The following ARHGAP22 variants were observed in gnomAD, a reference collection of about 807,000 sequenced individuals.
ARHGAP22 encodes the protein rho GTPase-activating protein 22.
In ARHGAP22, 48 loss-of-function variants were observed where a neutral mutation model predicts 59.1. That is an observed-to-expected ratio of 0.81 (90% CI 0.64 to 1.03). The LOEUF is 1.03. Among genes scored for constraint, ARHGAP22 ranks in the 50% least tolerant of loss-of-function variants. The probability of loss-of-function intolerance (pLI) is 0.00; values close to 1 mark genes in which losing one functional copy is unlikely to be tolerated. For synonymous variants in ARHGAP22, 445 were observed against 416.4 expected, an observed-to-expected ratio of 1.07 and a Z score of -0.84; for missense variants, 1,015 against 958.7, an observed-to-expected ratio of 1.06 and a Z score of -0.78.
At chr10:48,441,385 A>G (rs2045198521), downstream of ARHGAP22, among the ~76,000 whole-genome samples, 1 of 151,904 alleles carries the variant, frequency 6.6e-6, no homozygotes. Flanking sequence ...AAATCATGAC[A>G]GTGTCTTGAG....
downstream of ARHGAP22, among the ~76,000 whole-genome samples, chr10:48,441,775 A>G (rs57019459): frequency 2.9e-3 from 449 of 152,306 alleles, 4 homozygotes; most frequent in African/African-American, 0.011. Flanking sequence ...TTTATGAGAC[A>G]GGGTCCTGGA....
chr10:48,540,736 A>G (rs1243277957), intron 3 of ARHGAP22, among the ~76,000 whole-genome samples: 1 of 152,034 alleles, frequency 6.6e-6, no homozygotes, highest in Non-Finnish European at 1.5e-5. Flanking sequence ...ATTTCTTGTT[A>G]TTGTTGCCTC....
At chr10:48,557,738 C>T (rs2057400123) in intron 2 of ARHGAP22, among the ~76,000 whole-genome samples, 1 of 152,228 alleles carries the variant, frequency 6.6e-6, no homozygotes, top group African/African-American at 2.4e-5. Context: ...TCAGGGGAAT[C>T]CCAGTGTGCC....
In ARHGAP22 at chr10:48,446,396, T is replaced by C. The variant is rs747014955; in HGVS notation, c.2092A>G (p.Lys698Glu). The change falls in exon 10 of 10, where the codon AAG becomes GAG. Residue 698 changes from lysine (K) to glutamate (E), a missense_variant. Physicochemically the swap from Lys to Glu is moderately conservative, Grantham distance 56 (BLOSUM62 1). Coordinates refer to ENST00000249601, the MANE Select transcript of ARHGAP22 (RefSeq NM_021226.4). Reference protein sequence around the residue: ...TVGAKGARAPK With the variant: ...TVGAKGARAPE The stretch of plus-strand genomic sequence containing the variant: ...AGTGAGCTCTGCCATTCCTTTTACT[T>C]TGGGGCCCTGGCACCTTTTGCCCCA... 8.7e-6 allele frequency: 14 copies of C among 1,614,004 alleles called. No homozygotes were observed. The African/African-American group carries it at 1.9e-4, about 22-fold the overall frequency.
intron 1 of ARHGAP22, among the ~76,000 whole-genome samples, chr10:48,621,709 G>A (rs7098132): frequency 0.055 from 8,296 of 152,162 alleles, 730 homozygotes; most frequent in African/African-American, 0.19. Context: ...TTCATTGCTG[G>A]TCTTTCGTCT....
rs143821854 is a variant in ARHGAP22 at position 48,630,146 on chromosome 10, C to A, written c.52+22088G>T. ...CTTGCTCTGTCACCAGGCTGGAGTGCAGTGGCGCTATCTCAGCTCACTGCA... is the reference window on the plus strand; with the variant it reads ...CTTGCTCTGTCACCAGGCTGGAGTGAAGTGGCGCTATCTCAGCTCACTGCA... On this transcript the variant is annotated intron_variant, in intron 1 of 9. Coordinates refer to the ARHGAP22 transcript ENST00000435790. 7.0e-3 allele frequency among the ~76,000 whole-genome samples: 1,061 copies of A among 152,232 alleles called. 13 individuals carry two copies. Among genetic ancestry groups the A allele is most frequent in the African/African-American group, 0.024 (1,015 of 41,518 alleles).
chr10:48,590,425 G>A (rs2059681493), intron 1 of ARHGAP22, among the ~76,000 whole-genome samples: 1 of 152,126 alleles, frequency 6.6e-6, no homozygotes, highest in African/African-American at 2.4e-5. Context: ...CCTCGGTTGT[G>A]GTGGGGGCAA....
At chr10:48,642,600 A>C (rs1368592748) in intron 1 of ARHGAP22, among the ~76,000 whole-genome samples, 10 of 152,266 alleles carry the variant, frequency 6.6e-5, no homozygotes, top group African/African-American at 2.4e-4. Flanking sequence ...AGATGGGTTA[A>C]AGACTTAAAT....
intron 1 of ARHGAP22, among the ~76,000 whole-genome samples, chr10:48,595,368 C>A (rs772393901): frequency 1.3e-4 from 20 of 152,154 alleles, no homozygotes; most frequent in Non-Finnish European, 2.6e-4. Context: ...ATGGTTTCAT[C>A]AAGTTAATGC....
chr10:48,460,347 A>G (rs961169929), intron 4 of ARHGAP22, among the ~76,000 whole-genome samples: 3 of 152,252 alleles, frequency 2.0e-5, no homozygotes, highest in Non-Finnish European at 2.9e-5. Flanking sequence ...TGGACAAGAC[A>G]GATGACATAG....
At chr10:48,551,412 G>A (rs997471257) in intron 3 of ARHGAP22, among the ~76,000 whole-genome samples, 3 of 152,220 alleles carry the variant, frequency 2.0e-5, no homozygotes, top group Non-Finnish European at 2.9e-5. Flanking sequence ...GGCAGGAGGT[G>A]TGCCTGGCAG....
chr10:48,521,072 C>T (rs1484863785), intron 3 of ARHGAP22, among the ~76,000 whole-genome samples: 1 of 152,200 alleles, frequency 6.6e-6, no homozygotes, highest in East Asian at 1.9e-4. Flanking sequence ...GGAGTTCAGA[C>T]AAGTACATGA....
At chr10:48,595,349 C>T (rs367998994) in intron 1 of ARHGAP22, among the ~76,000 whole-genome samples, 4 of 151,984 alleles carry the variant, frequency 2.6e-5, no homozygotes, top group East Asian at 1.9e-4. Context: ...CTGGAGGGGC[C>T]GGGAAGAGAT....
chr10:48,492,937 T>C (rs549617633), intron 3 of ARHGAP22, among the ~76,000 whole-genome samples: 2 of 152,248 alleles, frequency 1.3e-5, no homozygotes, highest in Non-Finnish European at 2.9e-5. Flanking sequence ...AATAGTAGCA[T>C]TAATTTCAAC....
chr10:48,509,813 C>T (rs888705619), intron 3 of ARHGAP22, among the ~76,000 whole-genome samples: 1 of 152,106 alleles, frequency 6.6e-6, no homozygotes, highest in South Asian at 2.1e-4. Flanking sequence ...AGACGCCCGA[C>T]GAGTCATGGA....
chr10:48,466,108 G>A (rs1350786647), intron 4 of ARHGAP22, among the ~76,000 whole-genome samples: 3 of 152,080 alleles, frequency 2.0e-5, no homozygotes, highest in Non-Finnish European at 4.4e-5. Context: ...CCTGCCCTGG[G>A]CAGTCCACCC....
intron 1 of ARHGAP22, among the ~76,000 whole-genome samples, chr10:48,639,401 G>T (rs1404768206): frequency 6.6e-6 from 1 of 152,200 alleles, no homozygotes; most frequent in African/African-American, 2.4e-5. Context: ...ATGTGCAGAG[G>T]TTATATGAAA....
Position 48,446,624 on chromosome 10 carries a change from A to C in ARHGAP22, c.1869-5T>G. ...TCAGCACTCCCTTCTTCGATTCTGA[A>C]AAGTCAAGGAGAGATGCTGTTTGAG... is the stretch of plus-strand genomic sequence containing the variant. On this transcript the variant is annotated splice_region_variant and splice_polypyrimidine_tract_variant and intron_variant, in intron 9 of 9. Transcript: ENST00000249601. The C allele has an allele frequency of 6.2e-7, 1 of 1,613,038 alleles. No homozygotes were observed. The highest frequency in any genetic ancestry group is 8.5e-7 in the Non-Finnish European group (1 of 1,179,352).
intron 4 of ARHGAP22, among the ~76,000 whole-genome samples, chr10:48,461,324 T>C (rs1347055693): frequency 6.6e-6 from 1 of 152,156 alleles, no homozygotes; most frequent in East Asian, 1.9e-4. Flanking sequence ...TGGAAGGGGC[T>C]CAAAGGCTTC....
Sources: allele counts gnomAD v4.1 joint callset (sites outside exome capture counted in the v4.1 genomes callset), GRCh38; gene constraint gnomAD v4.1.1; transcripts MANE v1.5; gene names NCBI Gene and HGNC (gene_info 2026-07-23, HGNC 2026-07-21).